ADCY4: variants seen among roughly 807,000 people sequenced by gnomAD.
The protein encoded by ADCY4 is adenylate cyclase 4, also known as adenylate cyclase type 4.
In ADCY4, 111 loss-of-function variants were observed where a neutral mutation model predicts 125.5. That is an observed-to-expected ratio of 0.88 (90% confidence interval 0.76 to 1.04). ADCY4 has a LOEUF of 1.04. Ranked by LOEUF, ADCY4 falls within the 50% of genes least tolerant of loss-of-function variation. The pLI is 0.00. For missense variants in ADCY4, 1,256 were observed against 1,382.9 expected (o/e 0.91, Z 1.46); for synonymous variants, 576 against 586.9 (o/e 0.98, Z 0.27).
intron 16 of ADCY4, chr14:24,323,760 A>G (rs12896809): frequency 0.54 from 350,805 of 643,704 alleles, 98,448 homozygotes; most frequent in Non-Finnish European, 0.58. Context: ...CCAGGTGCCC[A>G]CCAGGAATAG....
At position 24,319,276 on chromosome 14, in the gene ADCY4, G is replaced by A. The variant is rs1248461077; in HGVS notation, c.2841+53C>T. 6 of 1,612,008 alleles carry A rather than the reference G, an allele frequency of 3.7e-6. No homozygotes were observed. The highest frequency in any genetic ancestry group is 5.1e-6 in the Non-Finnish European group (6 of 1,178,270). On this transcript the variant is annotated intron_variant, in intron 22 of 24. Coordinates refer to ENST00000418030, the MANE Select transcript of ADCY4 (RefSeq NM_001198568.2). This position sits in a 1 kb window ranked among gnomAD's most constrained non-coding sequence, Gnocchi z 4.5. ...GCACAGGAATAAGTCCCACTAATAA[G>A]CCCATCAATGAGAGCCCAGAGGAGG...
At position 24,334,669 on chromosome 14, in the gene ADCY4, A is replaced by T; in HGVS notation, c.-17T>A. On this transcript the variant is annotated 5_prime_UTR_variant, in exon 1 of 25. Coordinates refer to ENST00000418030, the MANE Select transcript of ADCY4 (RefSeq NM_001198568.2). ...GCGGGCCATGATCTCCCCAGCCCCG[A>T]GCCCCGGGGCTGGCTAGGGCCGGGC... 2.0e-6 allele frequency: 3 copies of T among 1,525,968 alleles called. No homozygotes were observed. Among genetic ancestry groups the T allele is most frequent in the Non-Finnish European group, 2.6e-6 (3 of 1,138,722 alleles). The allele number at this position is 1,525,968 out of a possible 1,614,324, so 94.5% of individuals were successfully genotyped here.
intron 8 of ADCY4, 77 bp downstream of exon 8, chr14:24,329,783 G>T: frequency 6.4e-7 from 1 of 1,556,524 alleles, no homozygotes; most frequent in South Asian, 1.2e-5. Context: ...TTATCTTAAG[G>T]AACTAATGAA....
At chr14:24,324,440 G>A (rs779667448) in intron 14 of ADCY4, 49 bp from the exon 15 acceptor site, 12 of 1,559,432 alleles carry the variant, frequency 7.7e-6, no homozygotes, top group African/African-American at 1.4e-5. Flanking sequence ...CAGGCTCCCT[G>A]TGTGCTATGA....
rs1423241769 is a variant in ADCY4, at chr14:24,334,620, G to C, written c.33C>G (p.Pro11=). 2 of 1,558,516 alleles carry C rather than the reference G, an allele frequency of 1.3e-6. No homozygotes were observed. The highest frequency in any genetic ancestry group is 3.8e-5 in the Admixed American group (2 of 52,468). The change falls in exon 1 of 25, where the codon CCC becomes CCG. Residue 11 remains proline, a synonymous_variant. Transcript: ENST00000418030. ...AGGTCTCGTAGAAGAGGTCTTCGCTGGGGGGCGGCCGGGGGCTGAAGAGGC... is the reference window on the plus strand; with the variant it reads ...AGGTCTCGTAGAAGAGGTCTTCGCTCGGGGGCGGCCGGGGGCTGAAGAGGC... MARLFSPRPP[P]SEDLFYETYY... is the part of the protein sequence containing the mutation.
At position 24,326,283 on chromosome 14, in the gene ADCY4, T is replaced by C. The variant is rs768228615; in HGVS notation, c.1568+16A>G. On this transcript the variant is annotated intron_variant, in intron 11 of 24. Transcript: ENST00000418030. The stretch of plus-strand genomic sequence containing the variant: ...TCCAGACAGCCCCACTGGCAAAGAC[T>C]TTGAGGCCTCCTCACCGATCCAGGC... 4 of 1,613,700 alleles carry C rather than the reference T, an allele frequency of 2.5e-6. No individual in the cohort carries two copies. In the East Asian group the frequency reaches 8.9e-5, roughly 36 times the overall value.
chr14:24,322,406 G>A (rs2041866199), intron 19 of ADCY4, 182 bp from the exon 20 acceptor site: 1 of 869,220 alleles, frequency 1.2e-6, no homozygotes, highest in Non-Finnish European at 1.7e-6. Flanking sequence ...TCAGACTAGG[G>A]ATAGAGAATT....
intron 1 of ADCY4, 132 bp downstream of exon 1, chr14:24,334,362 C>A: frequency 7.0e-7 from 1 of 1,422,052 alleles, no homozygotes; most frequent in South Asian, 1.5e-5. Context: ...ACTGCAGTTC[C>A]TAGCCAGGCT....
rs561457351 is a variant in ADCY4, at chr14:24,319,286, G to A, written c.2841+43C>T. 2.0e-5 allele frequency: 33 copies of A among 1,612,694 alleles called. No individual in the cohort carries two copies. In the East Asian group the frequency reaches 6.5e-4, roughly 32 times the overall value. On this transcript the variant is annotated intron_variant, in intron 22 of 24. Coordinates refer to ENST00000418030, the MANE Select transcript of ADCY4 (RefSeq NM_001198568.2). The surrounding 1 kb of genome is among the most constrained non-coding windows in gnomAD (Gnocchi z 4.5). ...AAGTCCCACTAATAAGCCCATCAAT[G>A]AGAGCCCAGAGGAGGATGGTAGGTA...
At position 24,325,780 on chromosome 14, in the gene ADCY4, T is replaced by C. The variant is rs527345285; in HGVS notation, c.1725+38A>G. 10 of 1,571,354 alleles carry C rather than the reference T, an allele frequency of 6.4e-6. No homozygotes were observed. In the African/African-American group the frequency reaches 1.2e-4, roughly 19 times the overall value. On this transcript the variant is annotated intron_variant, in intron 13 of 24. Coordinates refer to ENST00000418030, the MANE Select transcript of ADCY4 (RefSeq NM_001198568.2). ...CCTCCCCAGCACCAAGGAACTAAAG[T>C]TGGGAAGTTGTTTGGTGCCACCCAC...
chr14:24,329,061 C>T lies in ADCY4; in HGVS notation c.1524G>A (p.Pro508=), dbSNP rs78654006. The T allele has an allele frequency of 3.9e-3, 6,317 of 1,612,826 alleles. 11 individuals carry two copies. Among genetic ancestry groups the T allele is most frequent in the Non-Finnish European group, 4.9e-3 (5,767 of 1,179,408 alleles). The stretch of plus-strand genomic sequence containing the variant: ...GGGCTCAGGATGAAGGTGCACATAC[C>T]GGGAGAGGGGTGGAGGTGGACACAG... The part of the protein sequence containing the change: ...DSPVSTSTPL[P]EKTLASFSTQ... Residue 508 remains proline (P), a splice_region_variant and synonymous_variant, in exon 10 of 25, where the codon CCG becomes CCA. Coordinates refer to ENST00000418030, the MANE Select transcript of ADCY4 (RefSeq NM_001198568.2).
Position 24,331,878 on chromosome 14 carries a change from C to T in ADCY4, c.579G>A (p.Ala193=), listed in dbSNP as rs768089437. Residue 193 remains alanine, a synonymous_variant, in exon 4 of 25, where the codon GCG becomes GCA. Transcript: ENST00000418030. The part of the protein sequence containing the change: ...CGNVAGVYHK[A]LMERALRATF... Reference sequence around the variant, plus strand: ...TGGCCCGCAGGGCGCGCTCCATCAGCGCCTTGTGGTACACTCCTGCCACGT... The same window carrying T: ...TGGCCCGCAGGGCGCGCTCCATCAGTGCCTTGTGGTACACTCCTGCCACGT... 4.3e-5 allele frequency: 69 copies of T among 1,600,574 alleles called. No individual in the cohort carries two copies. The highest frequency in any genetic ancestry group is 5.9e-5 in the Non-Finnish European group (69 of 1,170,030).
rs888033430 is a variant in ADCY4, at chr14:24,319,054, A to G, written c.2956+44T>C. Reference sequence around the variant, plus strand: ...GACTTGGAGTGGGGCAAGCTCAGGAAGGTGAGGAGGTACCAGACTGCTGCA... The same window carrying G: ...GACTTGGAGTGGGGCAAGCTCAGGAGGGTGAGGAGGTACCAGACTGCTGCA... On this transcript the variant is annotated intron_variant, in intron 23 of 24. Transcript: ENST00000418030. This position sits in a 1 kb window ranked among gnomAD's most constrained non-coding sequence, Gnocchi z 4.5. The G allele has an allele frequency of 6.2e-7, 1 of 1,602,844 alleles. No individual in the cohort carries two copies. The highest frequency in any genetic ancestry group is 8.5e-7 in the Non-Finnish European group (1 of 1,170,584).
chr14:24,333,067 C>A, intron 1 of ADCY4, 79 bp from the exon 2 acceptor site: 2 of 1,390,432 alleles, frequency 1.4e-6, no homozygotes, highest in Non-Finnish European at 1.9e-6. Flanking sequence ...AGCAGCCCAG[C>A]CCCTCAGCCC....
intron 10 of ADCY4, among the ~76,000 whole-genome samples, chr14:24,327,605 C>T (rs939904412): frequency 2.0e-5 from 3 of 152,232 alleles, no homozygotes; most frequent in African/African-American, 7.2e-5. Flanking sequence ...TGTCCTTCCC[C>T]CACTCCCCAG....
rs754736299 is a variant in ADCY4, at chr14:24,329,091, G to A, written c.1494C>T (p.Asp498=). Residue 498 remains aspartate, a synonymous_variant, in exon 10 of 25, where the codon GAC becomes GAT. Coordinates refer to ENST00000418030, the MANE Select transcript of ADCY4 (RefSeq NM_001198568.2). Reference sequence around the variant, plus strand: ...GAGGGGTGGAGGTGGACACAGGGCTGTCTCCGTGGCTCAGGTGGGCAAAAG... The same window carrying A: ...GAGGGGTGGAGGTGGACACAGGGCTATCTCCGTGGCTCAGGTGGGCAAAAG... ...AKPFAHLSHG[D]SPVSTSTPLP... 2 of 1,613,864 alleles carry A rather than the reference G, an allele frequency of 1.2e-6. No homozygotes were observed. Among genetic ancestry groups the A allele is most frequent in the South Asian group, 1.1e-5 (1 of 91,080 alleles).
rs3181252 is a variant in ADCY4, at chr14:24,332,812, G to A, written c.336C>T (p.Gly112=). The A allele has an allele frequency of 0.02, 30,876 of 1,564,976 alleles. 2,975 individuals are homozygous for A. The East Asian group carries it at 0.29, about 15-fold the overall frequency. The stretch of plus-strand genomic sequence containing the variant: ...TCACCTGGTCCCAGGCGCTCACCAC[G>A]CCCCCGGTGAACAGGAAGGCGTGGC... ...ALGHAFLFTG[G]VVSAWDQVSY... The change falls in exon 2 of 25, where the codon GGC becomes GGT. Residue 112 remains glycine (G), a synonymous_variant. Transcript: ENST00000418030.
intron 10 of ADCY4, among the ~76,000 whole-genome samples, chr14:24,327,036 G>A (rs1230119621): frequency 6.6e-6 from 1 of 151,160 alleles, no homozygotes; most frequent in South Asian, 2.1e-4. Flanking sequence ...AGCTGGGATT[G>A]CAGGCACGCA....
At chr14:24,330,888 TG>T in intron 6 of ADCY4, 129 bp downstream of exon 6, 1 of 756,804 alleles carries the variant, frequency 1.3e-6, no homozygotes, top group East Asian at 2.7e-5. Flanking sequence ...CTCCTTCCAC[TG>T]GAATATCTGG....
Sources: allele counts gnomAD v4.1 joint callset (sites outside exome capture counted in the v4.1 genomes callset), GRCh38; gene constraint gnomAD v4.1.1; non-coding constraint Gnocchi (gnomAD v3.1); transcripts MANE v1.5; gene names NCBI Gene and HGNC (gene_info 2026-07-23, HGNC 2026-07-21).